Variants in CRIM1 observed in about 807,000 individuals in gnomAD.
CRIM1 encodes the protein cysteine rich transmembrane BMP regulator 1.
Under a neutral mutation model 116.4 loss-of-function variants are expected in CRIM1, and 32 were observed. That is an observed-to-expected ratio of 0.27 (90% CI 0.21 to 0.37). The LOEUF (loss-of-function observed/expected upper bound fraction) is 0.37, where lower values mean the gene tolerates loss of function less well. Among genes scored for constraint, CRIM1 ranks in the 10% least tolerant of loss-of-function variants. CRIM1 has a pLI of 1.00. For missense variants in CRIM1, 1,331 were observed against 1,354.8 expected (o/e 0.98, Z 0.28); for synonymous variants, 590 against 509.2 (o/e 1.16, Z -2.13).
At position 36,359,998 on chromosome 2, in the gene CRIM1, C is replaced by T. The variant is rs564559381; in HGVS notation, c.331+3375C>T. ...AGAGAAACAAGTGTGGATCCTGAAC[C>T]CCTGAGAAAGAAATCTGGATGGAAG... On this transcript the variant is annotated intron_variant, in intron 1 of 16. Transcript: ENST00000280527. Among the ~76,000 whole-genome samples the T allele has an allele frequency of 1.9e-4, 29 of 152,224 alleles. No homozygotes were observed. The South Asian group carries it at 6.0e-3, about 32-fold the overall frequency.
At position 36,407,372 on chromosome 2, in the gene CRIM1, A is replaced by G. The variant is rs72863698; in HGVS notation, c.505+10585A>G. On this transcript the variant is annotated intron_variant, in intron 2 of 16. Transcript: ENST00000280527. The stretch of plus-strand genomic sequence containing the variant: ...GGAAAGAAAGTGTAGACAAAGTTAC[A>G]TATTTTTGTAAGTAGTGTACTTTTA... 4.8e-3 allele frequency among the ~76,000 whole-genome samples: 728 copies of G among 152,336 alleles called. 3 individuals carry two copies. Among genetic ancestry groups the G allele is most frequent in the African/African-American group, 0.016 (683 of 41,566 alleles).
chr2:36,411,813 A>G (rs943890387), intron 2 of CRIM1, among the ~76,000 whole-genome samples: 2 of 152,136 alleles, frequency 1.3e-5, no homozygotes, highest in African/African-American at 4.8e-5. Context: ...AACCCGTGAG[A>G]TACATTCCAG....
At chr2:36,440,107 A>G (rs369278307) in intron 2 of CRIM1, among the ~76,000 whole-genome samples, 7 of 152,326 alleles carry the variant, frequency 4.6e-5, no homozygotes, top group South Asian at 4.2e-4. Flanking sequence ...ATCCACTGCT[A>G]TGATATCAAG....
intron 14 of CRIM1, among the ~76,000 whole-genome samples, chr2:36,541,113 G>C (rs1251399907): frequency 2.0e-5 from 3 of 152,130 alleles, no homozygotes; most frequent in Non-Finnish European, 2.9e-5. Flanking sequence ...CAGGAAGGCT[G>C]TATTCCTGTC....
chr2:36,439,435 A>G (rs779529524), intron 2 of CRIM1, among the ~76,000 whole-genome samples: 1 of 152,154 alleles, frequency 6.6e-6, no homozygotes, highest in Non-Finnish European at 1.5e-5. Flanking sequence ...TATATAATCA[A>G]ATCTCTAATT....
chr2:36,497,812 G>T (rs972067991), intron 7 of CRIM1, among the ~76,000 whole-genome samples: 1 of 152,186 alleles, frequency 6.6e-6, no homozygotes, highest in African/African-American at 2.4e-5. Context: ...CCTTTTAGTA[G>T]ATGGATAAAA....
chr2:36,418,014 G>A (rs1308633454), intron 2 of CRIM1, among the ~76,000 whole-genome samples: 4 of 152,166 alleles, frequency 2.6e-5, no homozygotes, highest in Non-Finnish European at 2.9e-5. Flanking sequence ...TGTGCATGCC[G>A]ATCTTCTGTG....
At chr2:36,496,997 A>C (rs115482089) in intron 7 of CRIM1, among the ~76,000 whole-genome samples, 2,677 of 152,292 alleles carry the variant, frequency 0.018, 43 homozygotes, top group Non-Finnish European at 0.025. Context: ...CTCTAAGCAA[A>C]TCCCTAAAAT....
intron 1 of CRIM1, among the ~76,000 whole-genome samples, chr2:36,385,357 A>T (rs1160831262): frequency 1.3e-5 from 2 of 152,216 alleles, no homozygotes; most frequent in Admixed American, 1.3e-4. Flanking sequence ...TCCTGAAAAG[A>T]TTCCTTATTG....
At chr2:36,440,664 C>T (rs1211446092) in intron 2 of CRIM1, among the ~76,000 whole-genome samples, 1 of 152,206 alleles carries the variant, frequency 6.6e-6, no homozygotes, top group East Asian at 1.9e-4. Flanking sequence ...AATAGAAGCA[C>T]ATCAGGTGCC....
Position 36,540,859 on chromosome 2 carries a change from A to G in CRIM1, c.2623+3313A>G, listed in dbSNP as rs150273699. ...GTAGTGGTGGTAGAAATAGAGGTCA[A>G]TTCATTCTCCTTGGTTTGTGAGTTT... On this transcript the variant is annotated intron_variant, in intron 14 of 16. Transcript: ENST00000280527. 2.9e-4 allele frequency among the ~76,000 whole-genome samples: 44 copies of G among 152,308 alleles called. No individual in the cohort carries two copies. The East Asian group carries it at 7.9e-3, about 27-fold the overall frequency.
chr2:36,513,967 A>G (rs1664870374), intron 11 of CRIM1, among the ~76,000 whole-genome samples: 1 of 152,214 alleles, frequency 6.6e-6, no homozygotes, highest in African/African-American at 2.4e-5. Flanking sequence ...AAATTCTATC[A>G]TTGTAGAAAT....
intron 4 of CRIM1, among the ~76,000 whole-genome samples, chr2:36,460,010 G>A (rs543663965): frequency 3.9e-5 from 6 of 152,176 alleles, no homozygotes; most frequent in East Asian, 1.9e-4. Flanking sequence ...CTCCTAAGGG[G>A]GTGAGTGCCC....
chr2:36,404,316 T>C (rs886313640), intron 2 of CRIM1, among the ~76,000 whole-genome samples: 1 of 152,236 alleles, frequency 6.6e-6, no homozygotes, highest in African/African-American at 2.4e-5. Flanking sequence ...TTTAAAAGTA[T>C]CTGACTATAG....
At chr2:36,527,838 A>AT (rs1160263998) in intron 13 of CRIM1, among the ~76,000 whole-genome samples, 2 of 152,082 alleles carry the variant, frequency 1.3e-5, no homozygotes, top group African/African-American at 4.8e-5. Flanking sequence ...TCATTGGAAC[A>AT]TTTTTCACCG....
At chr2:36,453,350 A>G (rs1176063259) in intron 4 of CRIM1, among the ~76,000 whole-genome samples, 1 of 152,204 alleles carries the variant, frequency 6.6e-6, no homozygotes, top group Non-Finnish European at 1.5e-5. Context: ...AGGAAGTTAT[A>G]TGTCATGGCT....
rs114049974 is a variant in CRIM1, at chr2:36,364,125, T to C, written c.331+7502T>C. ...AGATAAAACTGTGCTTCTGAAATTTTAGTGTGCACACAAATCACCTAGGTA... is the reference window on the plus strand; with the variant it reads ...AGATAAAACTGTGCTTCTGAAATTTCAGTGTGCACACAAATCACCTAGGTA... On this transcript the variant is annotated intron_variant, in intron 1 of 16. Transcript: ENST00000280527. Among the ~76,000 whole-genome samples the C allele has an allele frequency of 5.5e-3, 830 of 152,264 alleles. 3 individuals carry two copies. Among genetic ancestry groups the C allele is most frequent in the African/African-American group, 0.019 (805 of 41,540 alleles).
intron 7 of CRIM1, among the ~76,000 whole-genome samples, chr2:36,489,831 AGAGTCAT>A (rs1680096145): frequency 2.0e-5 from 3 of 152,212 alleles, no homozygotes; most frequent in Non-Finnish European, 4.4e-5. Context: ...CCAGGCACAC[AGAGTCAT>A]TGTTTCGACC....
intron 2 of CRIM1, among the ~76,000 whole-genome samples, chr2:36,433,428 G>A (rs1482089076): frequency 6.6e-6 from 1 of 152,242 alleles, no homozygotes; most frequent in Non-Finnish European, 1.5e-5. Flanking sequence ...GATCTGGAGG[G>A]CTCAGTGCTT....
Sources: allele counts gnomAD v4.1 joint callset (sites outside exome capture counted in the v4.1 genomes callset), GRCh38; gene constraint gnomAD v4.1.1; transcripts MANE v1.5; gene names NCBI Gene and HGNC (gene_info 2026-07-23, HGNC 2026-07-21).